The following FAM89A variants were observed in gnomAD, a reference collection of about 807,000 sequenced individuals.
FAM89A encodes family with sequence similarity 89 member A.
In FAM89A, 10 loss-of-function variants were observed where a neutral mutation model predicts 7.1. The ratio of observed to expected loss-of-function variants is 1.40; its 90% CI spans 0.86 to 2.38. The LOEUF (loss-of-function observed/expected upper bound fraction) is 2.38. Ranked by LOEUF, FAM89A falls within the 30% of genes most tolerant of loss-of-function variation. FAM89A has a pLI of 0.00. For synonymous variants in FAM89A, 157 were observed against 129.3 expected, an observed-to-expected ratio of 1.21 and a Z score of -1.45; for missense variants, 276 against 262.8, an observed-to-expected ratio of 1.05 and a Z score of -0.35.
chr1:231,021,997 T>C, intron 1 of FAM89A: 2 of 1,335,190 alleles, frequency 1.5e-6, no homozygotes, highest in South Asian at 1.2e-5. Flanking sequence ...CCTCGGGTAC[T>C]GTCGGTTGTC....
At chr1:231,036,749 C>T (rs1196196919) in intron 1 of FAM89A, among the ~76,000 whole-genome samples, 1 of 152,176 alleles carries the variant, frequency 6.6e-6, no homozygotes, top group Non-Finnish European at 1.5e-5. Context: ...ACCATCTCTT[C>T]TACTGGCTAT....
chr1:231,022,116 A>G, intron 1 of FAM89A: 1 of 1,300,866 alleles, frequency 7.7e-7, no homozygotes, highest in Non-Finnish European at 1.1e-6. Context: ...TCCCTGAAGA[A>G]CGCTAATACT....
intron 1 of FAM89A, among the ~76,000 whole-genome samples, chr1:231,025,413 C>T (rs1487413860): frequency 1.3e-5 from 2 of 152,068 alleles, no homozygotes; most frequent in East Asian, 1.9e-4. Flanking sequence ...ACTTTGTGAC[C>T]CTATATAAAC....
intron 1 of FAM89A, among the ~76,000 whole-genome samples, chr1:231,032,137 T>C (rs1180916228): frequency 6.6e-6 from 1 of 152,282 alleles, no homozygotes; most frequent in Admixed American, 6.5e-5. Context: ...TAATTGGCTT[T>C]AGCTGTATGA....
chr1:231,021,828 GA>G, intron 1 of FAM89A: 2 of 1,600,484 alleles, frequency 1.2e-6, no homozygotes, highest in South Asian at 2.2e-5. Flanking sequence ...GTTGACAAAA[GA>G]AGAAGACCAA....
chr1:231,039,038 G>A (rs1680205575), intron 1 of FAM89A, among the ~76,000 whole-genome samples: 1 of 152,218 alleles, frequency 6.6e-6, no homozygotes, highest in African/African-American at 2.4e-5. Flanking sequence ...TAGAAAAGAG[G>A]AAAAGTTTTT....
chr1:231,030,019 T>C (rs543461831), intron 1 of FAM89A, among the ~76,000 whole-genome samples: 72 of 152,344 alleles, frequency 4.7e-4, no homozygotes, highest in African/African-American at 1.5e-3. Flanking sequence ...GTTGATGCAG[T>C]TGGAGACGGG....
chr1:231,030,941 C>T (rs1680056316), intron 1 of FAM89A, among the ~76,000 whole-genome samples: 1 of 152,130 alleles, frequency 6.6e-6, no homozygotes, highest in Admixed American at 6.5e-5. Context: ...AAAACTCTAT[C>T]TCCACAAAAA....
chr1:231,022,202 G>T (rs1243854012), intron 1 of FAM89A: 5 of 971,480 alleles, frequency 5.1e-6, no homozygotes, highest in Non-Finnish European at 8.4e-6. Context: ...GAGACGCCCA[G>T]GAGAGACGGA....
intron 1 of FAM89A, among the ~76,000 whole-genome samples, chr1:231,027,746 T>A (rs116352714): frequency 6.6e-6 from 1 of 152,146 alleles, no homozygotes; most frequent in Non-Finnish European, 1.5e-5. Context: ...ACTCCCAACC[T>A]GCACAGCCCC....
intron 1 of FAM89A, among the ~76,000 whole-genome samples, chr1:231,020,745 T>C (rs1051053542): frequency 6.6e-6 from 1 of 152,138 alleles, no homozygotes; most frequent in African/African-American, 2.4e-5. Flanking sequence ...ACTGACTGAA[T>C]ATGAGGAAGC....
intron 1 of FAM89A, among the ~76,000 whole-genome samples, chr1:231,033,401 C>T (rs140562906): frequency 0.016 from 2,366 of 152,274 alleles, 21 homozygotes; most frequent in Middle Eastern, 0.034. Context: ...ATTCCCAGAG[C>T]GAAACTGCGA....
At chr1:231,022,909 C>T (rs1374398565) in intron 1 of FAM89A, among the ~76,000 whole-genome samples, 3 of 143,896 alleles carry the variant, frequency 2.1e-5, no homozygotes, top group Admixed American at 1.5e-4. Context: ...TTTCTGCCCA[C>T]CAGTTGTTCT....
chr1:231,021,718 A>G, intron 1 of FAM89A: 1 of 1,596,456 alleles, frequency 6.3e-7, no homozygotes, highest in South Asian at 1.1e-5. Flanking sequence ...CAGAACCCAT[A>G]GAACTCGTGG....
intron 1 of FAM89A, among the ~76,000 whole-genome samples, chr1:231,024,991 C>T (rs1030808141): frequency 3.7e-5 from 5 of 135,656 alleles, no homozygotes; most frequent in Non-Finnish European, 6.1e-5. Context: ...GGTGTAATCT[C>T]GGCTCACTGC....
intron 1 of FAM89A, chr1:231,026,943 G>A (rs1393118085): frequency 6.6e-6 from 1 of 152,134 alleles, no homozygotes; most frequent in Non-Finnish European, 1.5e-5. Flanking sequence ...CTCCTGCTGA[G>A]TCCCTCTGAC....
At chr1:231,027,934 C>T (rs1219526586) in intron 1 of FAM89A, among the ~76,000 whole-genome samples, 5 of 152,382 alleles carry the variant, frequency 3.3e-5, no homozygotes, top group Admixed American at 3.3e-4. Context: ...TATCGGTGTG[C>T]ACACAGGTCT....
Position 231,039,988 on chromosome 1 carries a change from CG to C in FAM89A, c.223del (p.Arg75GlyfsTer151). 7.2e-7 allele frequency: 1 copy of C among 1,380,970 alleles called. No individual in the cohort carries two copies. The highest frequency in any genetic ancestry group is 9.3e-7 in the Non-Finnish European group (1 of 1,074,424). 85.5% of individuals were successfully genotyped at this position (1,380,970 alleles called of 1,614,324 possible). A position where few individuals can be genotyped will look rare whatever the true frequency, so the allele number is the denominator to read the frequency against. On this transcript the variant is annotated frameshift_variant, in exon 1 of 2. Coordinates refer to ENST00000366654, the MANE Select transcript of FAM89A (RefSeq NM_198552.3). LOFTEE classifies it high-confidence loss of function. The part of the protein sequence containing the change: ...SRGGPGGGGA[R>X]AAALPAKPPN... ...AGGCTTGGCGGGCAGCGCTGCCGCC[CG>C]GGCCCCGCCGCCGCCCGGGCCCCCG... is the stretch of plus-strand genomic sequence containing the variant.
intron 1 of FAM89A, among the ~76,000 whole-genome samples, chr1:231,032,509 A>C (rs1680092385): frequency 6.6e-6 from 1 of 151,632 alleles, no homozygotes; most frequent in Non-Finnish European, 1.5e-5. Flanking sequence ...TTATTGTCTT[A>C]ATGTATACAT....
Sources: gnomAD v4.1 joint callset for allele counts (sites outside exome capture counted in the v4.1 genomes callset) on GRCh38, gnomAD v4.1.1 for gene constraint, MANE v1.5 for transcripts, NCBI Gene and HGNC (gene_info 2026-07-23, HGNC 2026-07-21) for gene names.